The following POLD3 variants were observed in gnomAD, a reference collection of about 807,000 sequenced individuals.
The protein encoded by POLD3 is DNA polymerase delta 3, accessory subunit.
A neutral mutation model predicts 58.2 loss-of-function variants in POLD3; 19 were observed. The ratio of observed to expected loss-of-function variants is 0.33; its 90% confidence interval spans 0.23 to 0.48. POLD3 has a LOEUF of 0.48. Ranked by LOEUF, POLD3 falls within the 20% of genes least tolerant of loss-of-function variation. The pLI, the probability that POLD3 is intolerant of heterozygous loss-of-function variation, is 0.99. For missense variants in POLD3, 504 were observed against 545.5 expected (o/e 0.92, Z 0.76); for synonymous variants, 172 against 193.5 (o/e 0.89, Z 0.92).
At chr11:74,600,489 A>G (rs2031450611) in intron 2 of POLD3, among the ~76,000 whole-genome samples, 1 of 151,632 alleles carries the variant, frequency 6.6e-6, no homozygotes, top group African/African-American at 2.4e-5. Flanking sequence ...ACTAAAATAC[A>G]AAAAATTAGC....
downstream of POLD3, among the ~76,000 whole-genome samples, chr11:74,647,484 A>C (rs562646086): frequency 2.0e-4 from 31 of 152,346 alleles, no homozygotes; most frequent in African/African-American, 7.2e-4. Context: ...ACAGTGAGAA[A>C]GTGTACCAGG....
chr11:74,601,464 T>C (rs767199142), intron 2 of POLD3, among the ~76,000 whole-genome samples: 11 of 152,180 alleles, frequency 7.2e-5, no homozygotes, highest in South Asian at 2.1e-4. Flanking sequence ...ATAATAGATA[T>C]GGGATAAAAT....
At chr11:74,653,333 A>ACACACACACACACACACACACACG (rs58331480) in intron 4 of POLD3, among the ~76,000 whole-genome samples, 6 of 151,812 alleles carry the variant, frequency 4.0e-5, no homozygotes, top group South Asian at 2.1e-4. Context: ...ACACACACAC[A>ACACACACACACACACACACACACG]TAGTGTGGTC....
At position 74,599,144 on chromosome 11, in the gene POLD3, C is replaced by T. The variant is rs535752014; in HGVS notation, c.116+5028C>T. ...ACCTCCTAGGCTTAAGGGATACTCC[C>T]ACCTCAGTCTCCTGAGAGTAGCTGG... is the stretch of plus-strand genomic sequence containing the variant. On this transcript the variant is annotated intron_variant, in intron 2 of 11. Transcript: ENST00000263681. Among the ~76,000 whole-genome samples the T allele has an allele frequency of 7.2e-5, 11 of 152,248 alleles. No homozygotes were observed. In the South Asian group the frequency reaches 2.1e-3, roughly 29 times the overall value.
intron 3 of POLD3, among the ~76,000 whole-genome samples, chr11:74,607,241 T>A (rs1430277674): frequency 6.3e-4 from 41 of 65,454 alleles, no homozygotes; most frequent in African/African-American, 5.0e-3. Context: ...TTATTATTAT[T>A]ATATATTTAT....
chr11:74,645,030 C>T (rs544277229), downstream of POLD3, among the ~76,000 whole-genome samples: 5 of 152,094 alleles, frequency 3.3e-5, no homozygotes, highest in Admixed American at 1.3e-4. Context: ...TGTAAGAGCC[C>T]GTAAGTTACC....
At chr11:74,637,857 T>C (rs2032795433) in intron 11 of POLD3, among the ~76,000 whole-genome samples, 1 of 151,954 alleles carries the variant, frequency 6.6e-6, no homozygotes, top group Non-Finnish European at 1.5e-5. Flanking sequence ...CTAATGAATC[T>C]TGGCTTTGGT....
At chr11:74,627,945 G>A (rs535978620) in intron 8 of POLD3, among the ~76,000 whole-genome samples, 5 of 152,202 alleles carry the variant, frequency 3.3e-5, no homozygotes, top group African/African-American at 9.6e-5. Flanking sequence ...TTATATATAC[G>A]TGTATATTTT....
At chr11:74,639,960 A>G (rs1284346678) in intron 11 of POLD3, among the ~76,000 whole-genome samples, 1 of 152,218 alleles carries the variant, frequency 6.6e-6, no homozygotes, top group Non-Finnish European at 1.5e-5. Context: ...ATTTGCAGCC[A>G]TTAAGAACTA....
At chr11:74,604,544 A>G in intron 2 of POLD3, 148 bp from the exon 3 acceptor site, 3 of 575,096 alleles carry the variant, frequency 5.2e-6, no homozygotes, top group South Asian at 4.3e-5. Flanking sequence ...TTTTTTTTTC[A>G]ACTGTCCATA....
At chr11:74,633,283 G>A (rs950394846) in intron 9 of POLD3, among the ~76,000 whole-genome samples, 1 of 152,110 alleles carries the variant, frequency 6.6e-6, no homozygotes, top group Non-Finnish European at 1.5e-5. Context: ...TCTTGCCTGA[G>A]CTCCCATCAT....
chr11:74,597,730 G>A (rs181027466), intron 2 of POLD3, among the ~76,000 whole-genome samples: 48 of 152,354 alleles, frequency 3.2e-4, no homozygotes, highest in African/African-American at 1.1e-3. Flanking sequence ...AAAGTGCTGG[G>A]ATTGCAGGCA....
At chr11:74,647,573 A>C (rs914196090), downstream of POLD3, among the ~76,000 whole-genome samples, 1 of 152,158 alleles carries the variant, frequency 6.6e-6, no homozygotes, top group Non-Finnish European at 1.5e-5. Context: ...AACCCCTAAG[A>C]AGAATATATT....
intron 2 of POLD3, among the ~76,000 whole-genome samples, chr11:74,602,322 T>C (rs544880892): frequency 4.6e-5 from 7 of 152,272 alleles, no homozygotes; most frequent in African/African-American, 1.4e-4. Flanking sequence ...CAGTGACTAA[T>C]AGGCATTGCA....
At chr11:74,607,797 G>GAACTTCTAAGTTCAAGTGA (rs2031748600) in intron 3 of POLD3, among the ~76,000 whole-genome samples, 4 of 151,910 alleles carry the variant, frequency 2.6e-5, no homozygotes, top group African/African-American at 9.7e-5. Context: ...GCCCAGGCTG[G>GAACTTCTAAGTTCAAGTGA]TCTTGAACTT....
chr11:74,663,862 A>G (rs1000691191), intron 4 of POLD3, among the ~76,000 whole-genome samples: 10 of 152,158 alleles, frequency 6.6e-5, no homozygotes, highest in Admixed American at 3.9e-4. Flanking sequence ...ATATATCTCT[A>G]TCTCTCTATG....
rs913113955 is a variant in POLD3, at chr11:74,639,417, G to GA, written c.1199-1138dup. Among the ~76,000 whole-genome samples the GA allele has an allele frequency of 3.9e-3, 586 of 150,380 alleles. 2 individuals are homozygous for GA. The highest frequency in any genetic ancestry group is 6.9e-3 in the Non-Finnish European group (465 of 67,412). Reference sequence around the variant, plus strand: ...TCAAGACTGTCATTGTTCTTTAATGGAAAAAAAAACCTTTTACTTTAATCA... The same window carrying GA: ...TCAAGACTGTCATTGTTCTTTAATGGAAAAAAAAAACCTTTTACTTTAATCA... On this transcript the variant is annotated intron_variant, in intron 11 of 11. Coordinates refer to ENST00000263681, the MANE Select transcript of POLD3 (RefSeq NM_006591.3).
At chr11:74,606,840 TC>T (rs2031693010) in intron 3 of POLD3, among the ~76,000 whole-genome samples, 1 of 152,244 alleles carries the variant, frequency 6.6e-6, no homozygotes, top group African/African-American at 2.4e-5. Flanking sequence ...GTCTTCTGTT[TC>T]TAAGTATAAG....
In POLD3 at chr11:74,620,083, G is replaced by T; in HGVS notation, c.727G>T (p.Ala243Ser). The T allele has an allele frequency of 6.2e-7, 1 of 1,608,580 alleles. No homozygotes were observed. The highest frequency in any genetic ancestry group is 2.2e-5 in the East Asian group (1 of 44,862). Residue 243 changes from alanine to serine, a missense_variant, in exon 7 of 12, where the codon GCT (alanine) becomes TCT (serine). Physicochemically the swap from Ala to Ser is moderately conservative, Grantham distance 99 (BLOSUM62 1). Transcript: ENST00000263681. ...NMMSNFFGKAAMNKFKVNLDS... is the reference protein window; with the variant it reads ...NMMSNFFGKASMNKFKVNLDS... Reference sequence around the variant, plus strand: ...GATGAGCAACTTTTTTGGAAAAGCTGCTATGAGTAAGCATGTTCTTACCTC... The same window carrying T: ...GATGAGCAACTTTTTTGGAAAAGCTTCTATGAGTAAGCATGTTCTTACCTC...
Sources: allele counts gnomAD v4.1 joint callset (sites outside exome capture counted in the v4.1 genomes callset), GRCh38; gene constraint gnomAD v4.1.1; transcripts MANE v1.5; gene names NCBI Gene and HGNC (gene_info 2026-07-23, HGNC 2026-07-21).